HS6ST3: variants seen among roughly 807,000 people sequenced by gnomAD.
The protein encoded by HS6ST3 is heparan sulfate 6-O-sulfotransferase 3, also known as heparan-sulfate 6-O-sulfotransferase 3.
HS6ST3 carries 12 observed loss-of-function variants against 36.7 expected under a neutral mutation model. That is an observed-to-expected ratio of 0.33 (90% CI 0.21 to 0.53). The LOEUF (loss-of-function observed/expected upper bound fraction) is 0.53. Among genes scored for constraint, HS6ST3 ranks in the 20% least tolerant of loss-of-function variants. The pLI, the probability that HS6ST3 is intolerant of heterozygous loss-of-function variation, is 0.95. For missense variants in HS6ST3, 584 were observed against 640.9 expected (o/e 0.91, Z 0.96); for synonymous variants, 240 against 257.5 (o/e 0.93, Z 0.65).
At chr13:96,615,511 G>A (rs2056471061) in intron 1 of HS6ST3, among the ~76,000 whole-genome samples, 1 of 152,138 alleles carries the variant, frequency 6.6e-6, no homozygotes, top group Admixed American at 6.5e-5. Flanking sequence ...TTCATCATCT[G>A]GATGTAGACC....
At chr13:96,453,184 A>G (rs190499328) in intron 1 of HS6ST3, among the ~76,000 whole-genome samples, 2,303 of 151,954 alleles carry the variant, frequency 0.015, 26 homozygotes, top group Middle Eastern at 0.031. Flanking sequence ...TCTTTTTAAA[A>G]AAAAAAAAAA....
chr13:96,463,622 A>C (rs2139493441), intron 1 of HS6ST3, among the ~76,000 whole-genome samples: 1 of 152,304 alleles, frequency 6.6e-6, no homozygotes, highest in Non-Finnish European at 1.5e-5. Context: ...CCATATTAAA[A>C]CTAAGATATT....
chr13:96,593,449 G>T (rs1456069303), intron 1 of HS6ST3, among the ~76,000 whole-genome samples: 1 of 151,040 alleles, frequency 6.6e-6, no homozygotes, highest in Non-Finnish European at 1.5e-5. Context: ...ACCCACCTTT[G>T]TCTCCCAAAG....
chr13:96,231,339 A>G (rs2054507137), intron 1 of HS6ST3, among the ~76,000 whole-genome samples: 3 of 152,210 alleles, frequency 2.0e-5, no homozygotes, highest in Admixed American at 1.3e-4. Context: ...CCATTCTCAC[A>G]CTGCTATAAA....
At chr13:96,350,889 G>A (rs1054386365) in intron 1 of HS6ST3, among the ~76,000 whole-genome samples, 1 of 152,106 alleles carries the variant, frequency 6.6e-6, no homozygotes, top group Non-Finnish European at 1.5e-5. Context: ...ATTGCTTCCT[G>A]TCCATCCAAT....
intron 1 of HS6ST3, among the ~76,000 whole-genome samples, chr13:96,437,140 T>C (rs766280004): frequency 1.1e-4 from 16 of 152,286 alleles, no homozygotes; most frequent in East Asian, 3.9e-4. Flanking sequence ...TATGCTAAAC[T>C]CCTCTAAGTT....
At chr13:96,737,227 T>C (rs1876306045) in intron 1 of HS6ST3, among the ~76,000 whole-genome samples, 1 of 152,228 alleles carries the variant, frequency 6.6e-6, no homozygotes, top group Admixed American at 6.5e-5. Flanking sequence ...GAGACTATTT[T>C]GCTCAGTTTT....
intron 1 of HS6ST3, among the ~76,000 whole-genome samples, chr13:96,557,996 C>T (rs2056247559): frequency 6.6e-6 from 1 of 152,114 alleles, no homozygotes. Flanking sequence ...TATATAAATT[C>T]TCTATTTGCT....
At chr13:96,642,303 T>C (rs2056572993) in intron 1 of HS6ST3, among the ~76,000 whole-genome samples, 1 of 151,934 alleles carries the variant, frequency 6.6e-6, no homozygotes, top group Admixed American at 6.6e-5. Context: ...CCTCTTTCAC[T>C]ATTCTCTGTT....
chr13:96,701,489 A>C (rs909537327), intron 1 of HS6ST3, among the ~76,000 whole-genome samples: 1 of 152,134 alleles, frequency 6.6e-6, no homozygotes, highest in Admixed American at 6.5e-5. Flanking sequence ...TTTTTTTCTC[A>C]GATGTAGAAA....
intron 1 of HS6ST3, among the ~76,000 whole-genome samples, chr13:96,107,770 C>T (rs138314019): frequency 5.3e-4 from 81 of 152,272 alleles, no homozygotes; most frequent in Non-Finnish European, 8.7e-4. Flanking sequence ...GTCTTTACTG[C>T]GGTTTCTGAA....
At chr13:96,641,447 A>G (rs1278716679) in intron 1 of HS6ST3, among the ~76,000 whole-genome samples, 1 of 151,878 alleles carries the variant, frequency 6.6e-6, no homozygotes, top group African/African-American at 2.4e-5. Flanking sequence ...ATATAGAATC[A>G]TATCATCCAT....
chr13:96,500,049 C>A (rs1263592660), intron 1 of HS6ST3, among the ~76,000 whole-genome samples: 2 of 152,156 alleles, frequency 1.3e-5, no homozygotes, highest in East Asian at 3.9e-4. Context: ...CATCACTGCA[C>A]AAAGGAGCCG....
At chr13:96,299,690 C>T (rs1354083828) in intron 1 of HS6ST3, among the ~76,000 whole-genome samples, 1 of 152,066 alleles carries the variant, frequency 6.6e-6, no homozygotes, top group Non-Finnish European at 1.5e-5. Context: ...ACCAGGAGTC[C>T]ATGAAACATT....
chr13:96,682,018 C>T (rs1018954026), intron 1 of HS6ST3, among the ~76,000 whole-genome samples: 2 of 152,038 alleles, frequency 1.3e-5, no homozygotes, highest in Non-Finnish European at 2.9e-5. Context: ...CTGCTGGAAG[C>T]CAAGGAAATG....
At chr13:96,340,036 G>T (rs2055122137) in intron 1 of HS6ST3, among the ~76,000 whole-genome samples, 1 of 152,180 alleles carries the variant, frequency 6.6e-6, no homozygotes, top group Admixed American at 6.5e-5. Flanking sequence ...GTGTTTTCCA[G>T]ACTTTCCCCT....
Position 96,618,813 on chromosome 13 carries a change from A to G in HS6ST3, c.708-213677A>G, listed in dbSNP as rs151124277. Among the ~76,000 whole-genome samples, 178 of 152,320 alleles carry G rather than the reference A, an allele frequency of 1.2e-3. No individual in the cohort carries two copies. In the East Asian group the frequency reaches 0.012, roughly 10 times the overall value. On this transcript the variant is annotated intron_variant, in intron 1 of 1. Transcript: ENST00000376705. ...ACTTACCAGCATAGCACACAGGCAT[A>G]TGATGGACCCATAGTACACATTTAT... is the stretch of plus-strand genomic sequence containing the variant.
At chr13:96,197,021 G>T (rs1387554175) in intron 1 of HS6ST3, among the ~76,000 whole-genome samples, 1 of 152,172 alleles carries the variant, frequency 6.6e-6, no homozygotes, top group African/African-American at 2.4e-5. Context: ...CCTCTAGATG[G>T]ATCTATGTGA....
At chr13:96,589,464 T>C (rs2056374981) in intron 1 of HS6ST3, among the ~76,000 whole-genome samples, 1 of 152,120 alleles carries the variant, frequency 6.6e-6, no homozygotes, top group Non-Finnish European at 1.5e-5. Flanking sequence ...CTGTTTTGTT[T>C]ATCTTTTCAA....
Sources: gnomAD v4.1 joint callset for allele counts (sites outside exome capture counted in the v4.1 genomes callset) on GRCh38, gnomAD v4.1.1 for gene constraint, MANE v1.5 for transcripts, NCBI Gene and HGNC (gene_info 2026-07-23, HGNC 2026-07-21) for gene names.